Variants in MITF observed in about 807,000 individuals in gnomAD.
MITF encodes the protein melanocyte inducing transcription factor, also known as microphthalmia-associated transcription factor.
MITF carries 17 observed loss-of-function variants against 60.5 expected under a neutral mutation model. The ratio of observed to expected loss-of-function variants is 0.28; its 90% CI spans 0.19 to 0.42. The LOEUF is 0.42. Ranked by LOEUF, MITF falls within the 10% of genes least tolerant of loss-of-function variation. The pLI is 1.00. For missense variants in MITF, 622 were observed against 683.5 expected, an observed-to-expected ratio of 0.91 and a Z score of 1.00; for synonymous variants, 260 against 248.5, an observed-to-expected ratio of 1.05 and a Z score of -0.43.
rs568941312 is a variant in MITF at position 69,859,317 on chromosome 3, G to A, written c.105-19817G>A. On this transcript the variant is annotated intron_variant, in intron 1 of 9. Transcript: ENST00000352241. ...GACTTCCATACCACCTTCCACAATGGCATCGTTGTCTGCAAGAAACAGTGT... is the reference window on the plus strand; with the variant it reads ...GACTTCCATACCACCTTCCACAATGACATCGTTGTCTGCAAGAAACAGTGT... Among the ~76,000 whole-genome samples, 17 of 152,262 alleles carry A rather than the reference G, an allele frequency of 1.1e-4. No homozygotes were observed. In the South Asian group the frequency reaches 3.5e-3, roughly 32 times the overall value.
chr3:69,745,525 A>G (rs552848956), intron 1 of MITF, among the ~76,000 whole-genome samples: 6 of 152,332 alleles, frequency 3.9e-5, no homozygotes, highest in South Asian at 2.1e-4. Context: ...AGGTGAAACA[A>G]TAGTCAAATG....
intron 2 of MITF, among the ~76,000 whole-genome samples, chr3:69,926,348 T>C (rs1280363603): frequency 6.6e-6 from 1 of 152,222 alleles, no homozygotes; most frequent in Non-Finnish European, 1.5e-5. Context: ...CATGTGGGCT[T>C]GACCTTCAAA....
chr3:69,864,038 A>T (rs1228186187), intron 1 of MITF, among the ~76,000 whole-genome samples: 1 of 152,180 alleles, frequency 6.6e-6, no homozygotes, highest in Non-Finnish European at 1.5e-5. Flanking sequence ...AACCATGATT[A>T]TAATTGTAAG....
chr3:69,866,007 G>C (rs888106250), intron 1 of MITF, among the ~76,000 whole-genome samples: 1 of 152,198 alleles, frequency 6.6e-6, no homozygotes, highest in Non-Finnish European at 1.5e-5. Context: ...TTCCCGAGGT[G>C]CTTGCCTGGC....
chr3:69,770,639 G>A (rs1216657432), intron 1 of MITF, among the ~76,000 whole-genome samples: 1 of 152,198 alleles, frequency 6.6e-6, no homozygotes, highest in Non-Finnish European at 1.5e-5. Context: ...AACTGCATAT[G>A]AAGAGAGAGG....
intron 2 of MITF, among the ~76,000 whole-genome samples, chr3:69,908,581 C>T (rs2065151904): frequency 2.0e-5 from 3 of 152,036 alleles, no homozygotes; most frequent in Admixed American, 2.0e-4. Flanking sequence ...TTCTTTACCA[C>T]ATTGATATTT....
At chr3:69,830,360 C>T (rs1044814232) in intron 1 of MITF, among the ~76,000 whole-genome samples, 7 of 152,272 alleles carry the variant, frequency 4.6e-5, no homozygotes, top group Middle Eastern at 3.4e-3. Flanking sequence ...TCCTGGAAAG[C>T]TCGGCCTGCT....
intron 2 of MITF, among the ~76,000 whole-genome samples, chr3:69,894,674 G>GAA (rs201815152): frequency 0.011 from 1,176 of 111,530 alleles, 13 homozygotes; most frequent in African/African-American, 0.034. Flanking sequence ...CAACAAGAGT[G>GAA]AAAAAAAAAA....
At chr3:69,951,724 T>C in intron 6 of MITF, 88 bp from the exon 7 acceptor site, 4 of 963,310 alleles carry the variant, frequency 4.2e-6, no homozygotes, top group East Asian at 2.5e-5. Context: ...TAAGCTTCTG[T>C]ATGTTTGGGA....
At chr3:69,943,920 G>A (rs374650397) in intron 5 of MITF, among the ~76,000 whole-genome samples, 16 of 151,862 alleles carry the variant, frequency 1.1e-4, no homozygotes, top group South Asian at 4.1e-4. Flanking sequence ...GAGAGAATCC[G>A]TCTCTGTAAA....
At chr3:69,841,734 C>T (rs9825977) in intron 1 of MITF, among the ~76,000 whole-genome samples, 2 of 152,096 alleles carry the variant, frequency 1.3e-5, no homozygotes, top group Admixed American at 6.6e-5. Context: ...CTTTTCGTCT[C>T]TGAAAAGAAA....
In MITF at chr3:69,934,774, C is replaced by G. The variant is rs79950513; in HGVS notation, c.355-3048C>G. On this transcript the variant is annotated intron_variant, in intron 2 of 9. Transcript: ENST00000352241. ...CAGAAGAGAAACTTCTTCCCATAAC[C>G]TAGGCTATCTCCAAGGGAATGTAAA... Among the ~76,000 whole-genome samples, 357 of 152,282 alleles carry G rather than the reference C, an allele frequency of 2.3e-3. 3 individuals are homozygous for G. The East Asian group carries it at 0.025, about 11-fold the overall frequency.
chr3:69,959,533 A>G lies in MITF; in HGVS notation c.1179+113A>G, dbSNP rs2066489433. The stretch of plus-strand genomic sequence containing the variant: ...GACTTACGTGATCCTAACACAGTCA[A>G]TCCTTATTATTTGTGGATTCTGTGT... On this transcript the variant is annotated intron_variant, in intron 9 of 9. Coordinates refer to ENST00000352241, the MANE Select transcript of MITF (RefSeq NM_001354604.2). The G allele has an allele frequency of 5.4e-6, 7 of 1,306,206 alleles. No individual in the cohort carries two copies. In the Middle Eastern group the frequency reaches 1.2e-3, roughly 230 times the overall value. The allele number at this position is 1,306,206 out of a possible 1,614,324, so 80.9% of individuals were successfully genotyped here.
rs1007480981 is a variant in MITF at position 69,958,983 on chromosome 3, A to G, written c.1032-290A>G. Among the ~76,000 whole-genome samples the G allele has an allele frequency of 7.6e-5, 9 of 118,494 alleles. 1 individual carries two copies. In the South Asian group the frequency reaches 1.4e-3, roughly 19 times the overall value. 77.7% of individuals were successfully genotyped at this position (118,494 alleles called of 152,430 possible). A position where few individuals can be genotyped will look rare whatever the true frequency, so the allele number is the denominator to read the frequency against. The stretch of plus-strand genomic sequence containing the variant: ...ATTGAATGCTTTTAAAAATGATACA[A>G]TGGACTTTGGGGACTTGCGGGGAAG... On this transcript the variant is annotated intron_variant, in intron 8 of 9. Coordinates refer to ENST00000352241, the MANE Select transcript of MITF (RefSeq NM_001354604.2).
At chr3:69,816,891 C>T (rs900609624) in intron 1 of MITF, among the ~76,000 whole-genome samples, 1 of 152,100 alleles carries the variant, frequency 6.6e-6, no homozygotes. Context: ...GAAAAAAATG[C>T]TTTTGTTATG....
intron 1 of MITF, among the ~76,000 whole-genome samples, chr3:69,829,252 C>T (rs1396881068): frequency 6.6e-6 from 1 of 152,102 alleles, no homozygotes; most frequent in Non-Finnish European, 1.5e-5. Flanking sequence ...GACAAACAAA[C>T]TAATGCCACA....
At chr3:69,768,612 T>G (rs2062340102) in intron 1 of MITF, among the ~76,000 whole-genome samples, 1 of 152,198 alleles carries the variant, frequency 6.6e-6, no homozygotes. Context: ...TTATTACCGG[T>G]GTTTGGAATT....
chr3:69,801,072 T>TA (rs1553681647), intron 1 of MITF, among the ~76,000 whole-genome samples: 37 of 151,084 alleles, frequency 2.4e-4, no homozygotes, highest in African/African-American at 8.0e-4. Context: ...TTTTTTTTTT[T>TA]ACCTTGAAAT....
At chr3:69,938,916 T>C in intron 3 of MITF, 182 bp from the exon 4 acceptor site, 11 of 1,476,808 alleles carry the variant, frequency 7.4e-6, no homozygotes, top group Non-Finnish European at 9.9e-6. Context: ...TACCCAAATT[T>C]GTCATCTAGC....
Sources: gnomAD v4.1 joint callset for allele counts (sites outside exome capture counted in the v4.1 genomes callset) on GRCh38, gnomAD v4.1.1 for gene constraint, MANE v1.5 for transcripts, NCBI Gene and HGNC (gene_info 2026-07-23, HGNC 2026-07-21) for gene names.